PARD6G: variants seen among roughly 807,000 people sequenced by gnomAD.
PARD6G encodes partitioning defective 6 homolog gamma.
PARD6G carries 7 observed loss-of-function variants against 10.7 expected under a neutral mutation model. That is an observed-to-expected ratio of 0.66 (90% CI 0.37 to 1.23). The LOEUF is 1.23. PARD6G is among the 50% of genes most tolerant of loss of function. The pLI, the probability that PARD6G is intolerant of heterozygous loss-of-function variation, is 0.02. For missense variants in PARD6G, 548 were observed against 571.8 expected (o/e 0.96, Z 0.42); for synonymous variants, 287 against 269.4 (o/e 1.07, Z -0.64).
In PARD6G at chr18:80,188,072, G is replaced by A. The variant is rs957471310; in HGVS notation, c.295+14638C>T. 2 of 152,074 alleles carry A rather than the reference G, an allele frequency of 1.3e-5. No homozygotes were observed. Among genetic ancestry groups the A allele is most frequent in the Non-Finnish European group, 2.9e-5 (2 of 68,000 alleles). 9.4% of individuals were successfully genotyped at this position (152,074 alleles called of 1,614,324 possible). On this transcript the variant is annotated intron_variant, in intron 2 of 2. Coordinates refer to ENST00000353265, the MANE Select transcript of PARD6G (RefSeq NM_032510.4). The surrounding 1 kb of genome is among the most constrained non-coding windows in gnomAD (Gnocchi z 5.4). ...AAGTGGTGCGCGACCGTGCCCAACG[G>A]GAGGTGTTACGTGGCGCGCGACCGT...
In PARD6G at chr18:80,200,504, G is replaced by C. The variant is rs1235167548; in HGVS notation, c.295+2206C>G. Among the ~76,000 whole-genome samples the C allele has an allele frequency of 6.6e-6, 1 of 152,130 alleles. No individual in the cohort carries two copies. Among genetic ancestry groups the C allele is most frequent in the Admixed American group, 6.5e-5 (1 of 15,280 alleles). ...ACAGATGAGGACGGTAGAGCTCTGCGGGATGAGGCGTGTGTTTGTGTCACA... is the reference window on the plus strand; with the variant it reads ...ACAGATGAGGACGGTAGAGCTCTGCCGGATGAGGCGTGTGTTTGTGTCACA... On this transcript the variant is annotated intron_variant, in intron 2 of 2. Coordinates refer to ENST00000353265, the MANE Select transcript of PARD6G (RefSeq NM_032510.4). The surrounding 1 kb of genome is among the most constrained non-coding windows in gnomAD (Gnocchi z 4.4).
chr18:80,232,996 T>A (rs1005245972), intron 1 of PARD6G, among the ~76,000 whole-genome samples: 8 of 152,192 alleles, frequency 5.3e-5, no homozygotes, highest in Middle Eastern at 3.4e-3. Flanking sequence ...GGGCTGCTCA[T>A]CTCCTGAGGA....
intron 2 of PARD6G, among the ~76,000 whole-genome samples, chr18:80,193,945 T>C (rs188638753): frequency 6.6e-6 from 1 of 152,280 alleles, no homozygotes; most frequent in East Asian, 1.9e-4. Context: ...GTGCTGCACA[T>C]GGTGACCTCC....
chr18:80,221,903 T>C (rs1857951256), intron 1 of PARD6G, among the ~76,000 whole-genome samples: 1 of 152,102 alleles, frequency 6.6e-6, no homozygotes, highest in East Asian at 1.9e-4. Context: ...GCAGTAGCAA[T>C]GAACAATCTA....
chr18:80,224,413 T>G (rs935346300), intron 1 of PARD6G, among the ~76,000 whole-genome samples: 1 of 152,206 alleles, frequency 6.6e-6, no homozygotes, highest in Non-Finnish European at 1.5e-5. Flanking sequence ...TGGGCCCTGA[T>G]TCAGTATGTT....
Position 80,181,329 on chromosome 18 carries a change from C to T in PARD6G, c.296-20723G>A, listed in dbSNP as rs906897198. ...CCGATGTCCCCAGCTGGGATGTCTG[C>T]GGAAGCTGTGGTCCCGATGCCACAC... On this transcript the variant is annotated intron_variant, in intron 2 of 2. Transcript: ENST00000353265. This position sits in a 1 kb window ranked among gnomAD's most constrained non-coding sequence, Gnocchi z 7.9. Among the ~76,000 whole-genome samples the T allele has an allele frequency of 2.6e-5, 4 of 152,170 alleles. No homozygotes were observed. The highest frequency in any genetic ancestry group is 1.3e-4 in the Admixed American group (2 of 15,290).
chr18:80,211,538 T>C (rs991987914), intron 1 of PARD6G, among the ~76,000 whole-genome samples: 2 of 152,216 alleles, frequency 1.3e-5, no homozygotes, highest in African/African-American at 4.8e-5. Flanking sequence ...AATTACCATA[T>C]GATCCAGCAT....
In PARD6G at chr18:80,189,435, C is replaced by T. The variant is rs1435619126; in HGVS notation, c.295+13275G>A. On this transcript the variant is annotated intron_variant, in intron 2 of 2. Transcript: ENST00000353265. This position sits in a 1 kb window ranked among gnomAD's most constrained non-coding sequence, Gnocchi z 5.5. Reference sequence around the variant, plus strand: ...TGATAAGCTGAGTCCAACACAAACACAACAGTAAGCCTTTCTAGCAGAGGA... The same window carrying T: ...TGATAAGCTGAGTCCAACACAAACATAACAGTAAGCCTTTCTAGCAGAGGA... The T allele has an allele frequency of 2.6e-5, 4 of 152,254 alleles. No individual in the cohort carries two copies. Among genetic ancestry groups the T allele is most frequent in the Admixed American group, 6.5e-5 (1 of 15,286 alleles). 9.4% of individuals were successfully genotyped at this position (152,254 alleles called of 1,614,324 possible).
Position 80,192,577 on chromosome 18 carries a change from G to A in PARD6G, c.295+10133C>T, listed in dbSNP as rs1966908460. On this transcript the variant is annotated intron_variant, in intron 2 of 2. Coordinates refer to ENST00000353265, the MANE Select transcript of PARD6G (RefSeq NM_032510.4). This position sits in a 1 kb window ranked among gnomAD's most constrained non-coding sequence, Gnocchi z 4.9. ...GCAGGTGCCACGGCGGGAGCCTGAA[G>A]CTCCACAATTGCCAAGGCAGCCCCA... Among the ~76,000 whole-genome samples, 1 of 152,148 alleles carries A rather than the reference G, an allele frequency of 6.6e-6. No individual in the cohort carries two copies.
intron 1 of PARD6G, among the ~76,000 whole-genome samples, chr18:80,229,555 C>T (rs1356777010): frequency 1.3e-5 from 2 of 152,008 alleles, no homozygotes; most frequent in Non-Finnish European, 2.9e-5. Context: ...GCTGGAAATG[C>T]TCTACACCAG....
intron 1 of PARD6G, among the ~76,000 whole-genome samples, chr18:80,211,402 G>C (rs4798949): frequency 0.82 from 124,715 of 152,142 alleles, 51,436 homozygotes; most frequent in Non-Finnish European, 0.87. Flanking sequence ...TATCGAAAAA[G>C]CAAAATAGTA....
chr18:80,197,519 G>A (rs1315151949), intron 2 of PARD6G: 2 of 152,218 alleles, frequency 1.3e-5, no homozygotes, highest in Non-Finnish European at 2.9e-5. Flanking sequence ...ACTGATGTTA[G>A]CTTTAAAAGT....
rs527291389 is a variant in PARD6G at position 80,246,833 on chromosome 18, C to G, written c.72+444G>C. 2.2e-3 allele frequency among the ~76,000 whole-genome samples: 328 copies of G among 152,152 alleles called. 2 individuals are homozygous for G. The highest frequency in any genetic ancestry group is 6.8e-3 in the African/African-American group (281 of 41,542). On this transcript the variant is annotated intron_variant, in intron 1 of 2. Transcript: ENST00000353265. This position sits in a 1 kb window ranked among gnomAD's most constrained non-coding sequence, Gnocchi z 6.7. ...CCTGGCAGGTAACAAGCCTCCTTTG[C>G]AGCCTTGAAGGCGCCTTGGCCAGGG...
chr18:80,236,033 G>A (rs1224043146), intron 1 of PARD6G, among the ~76,000 whole-genome samples: 1 of 152,126 alleles, frequency 6.6e-6, no homozygotes, highest in Non-Finnish European at 1.5e-5. Flanking sequence ...CCAAAGCCTG[G>A]CAGAGACATA....
chr18:80,213,818 C>T (rs1173832485), intron 1 of PARD6G, among the ~76,000 whole-genome samples: 11 of 151,630 alleles, frequency 7.3e-5, no homozygotes, highest in Admixed American at 5.3e-4. Flanking sequence ...ATTAACCAGG[C>T]GTGGTGGCGG....
intron 2 of PARD6G, chr18:80,178,516 C>G (rs1249998289): frequency 2.6e-5 from 4 of 152,376 alleles, no homozygotes; most frequent in Non-Finnish European, 4.4e-5. Flanking sequence ...CAGCTTGCAG[C>G]CATCTTCCCT....
At chr18:80,195,537 C>G (rs1188023965) in intron 2 of PARD6G, among the ~76,000 whole-genome samples, 1 of 48,862 alleles carries the variant, frequency 2.0e-5, no homozygotes, top group Non-Finnish European at 4.8e-5. Flanking sequence ...CAATAAGAGT[C>G]TTCAAAGATA....
At position 80,160,045 on chromosome 18, in the gene PARD6G, T is replaced by A; in HGVS notation, c.857A>T (p.Gln286Leu). The change falls in exon 3 of 3, where the codon CAG becomes CTG. Residue 286 changes from glutamine to leucine, a missense_variant. Physicochemically the swap from Gln to Leu is moderately radical, Grantham distance 113 (BLOSUM62 -2). This residue lies in a region of PARD6G where 313 missense variants were observed against 279.9 expected (regional missense o/e 1.12). Transcript: ENST00000353265. ...CTCCGCCTCGTCGGGGTGGAAGTTC[T>A]GCAGGACGCGCGGGGCGGGGGGACC... ...FVGPPAPRVL[Q>L]NFHPDEAESD... 6.5e-7 allele frequency: 1 copy of A among 1,546,460 alleles called. No individual in the cohort carries two copies. Among genetic ancestry groups the A allele is most frequent in the East Asian group, 2.3e-5 (1 of 44,068 alleles).
chr18:80,240,059 C>T (rs1454954814), intron 1 of PARD6G, among the ~76,000 whole-genome samples: 1 of 152,178 alleles, frequency 6.6e-6, no homozygotes, highest in East Asian at 1.9e-4. Flanking sequence ...TGCTAGAACT[C>T]ATAGAGCAAG....
Sources: gnomAD v4.1 joint callset for allele counts (sites outside exome capture counted in the v4.1 genomes callset) on GRCh38, gnomAD v4.1.1 for gene constraint, gnomAD v4.1.1 regional missense constraint, Gnocchi (gnomAD v3.1) non-coding constraint, MANE v1.5 for transcripts, NCBI Gene and HGNC (gene_info 2026-07-23, HGNC 2026-07-21) for gene names.